The following YEATS2 variants were observed in gnomAD, a reference collection of about 807,000 sequenced individuals.
YEATS2 encodes the protein YEATS domain containing 2.
In YEATS2, 77 loss-of-function variants were observed where a neutral mutation model predicts 163.2. That is an observed-to-expected ratio of 0.47 (90% confidence interval 0.39 to 0.57). The LOEUF (loss-of-function observed/expected upper bound fraction) is 0.57. Among genes scored for constraint, YEATS2 ranks in the 20% least tolerant of loss-of-function variants. The pLI, the probability that YEATS2 is intolerant of heterozygous loss-of-function variation, is 0.00. For missense variants in YEATS2, 1,549 were observed against 1,729.8 expected (o/e 0.90, Z 1.85); for synonymous variants, 631 against 645.1 (o/e 0.98, Z 0.33).
At chr3:183,759,117 G>T (rs189844223) in intron 13 of YEATS2, 152 bp downstream of exon 13, 12 of 569,016 alleles carry the variant, frequency 2.1e-5, no homozygotes, top group Admixed American at 1.2e-4. Context: ...ACCTGCCAGG[G>T]TACTGCGGTT....
In YEATS2 at chr3:183,808,081, G is replaced by T. The variant is rs374475831; in HGVS notation, c.4063G>T (p.Val1355Leu). The T allele has an allele frequency of 6.4e-6, 10 of 1,557,614 alleles. No individual in the cohort carries two copies. In the African/African-American group the frequency reaches 1.1e-4, roughly 17 times the overall value. ...ACTCCACAGGAACGTGTATGCGTCC[G>T]TGGTGGAGGACATGATCCTGAAGGT... The part of the protein sequence containing the change: ...VALHRNVYAS[V>L]VEDMILKATE... The change falls in exon 29 of 31, where the codon GTG (valine) becomes TTG (leucine). Residue 1355 changes from valine (V) to leucine (L), a missense_variant. Val to Leu is a conservative substitution (Grantham distance 32, BLOSUM62 1). Coordinates refer to ENST00000305135, the MANE Select transcript of YEATS2 (RefSeq NM_018023.5).
chr3:183,722,279 T>A, intron 5 of YEATS2, 143 bp downstream of exon 5: 39 of 25,598 alleles, frequency 1.5e-3, no homozygotes, highest in Non-Finnish European at 2.3e-3. Flanking sequence ...AAACCAAATC[T>A]TTTTTTTTTT....
Position 183,796,670 on chromosome 3 carries a change from T to G in YEATS2, c.3098-1253T>G, listed in dbSNP as rs960289836. ...AATTTTGGAAATACGTTTTAGGCAG[T>G]CAGGAGCCAGCATAGGTTTTTAAGT... On this transcript the variant is annotated intron_variant, in intron 21 of 30. Coordinates refer to ENST00000305135, the MANE Select transcript of YEATS2 (RefSeq NM_018023.5). Among the ~76,000 whole-genome samples the G allele has an allele frequency of 2.0e-5, 3 of 151,570 alleles. No individual in the cohort carries two copies. In the South Asian group the frequency reaches 6.3e-4, roughly 32 times the overall value.
chr3:183,806,584 G>T, intron 27 of YEATS2: 1 of 466,010 alleles, frequency 2.1e-6, no homozygotes, highest in South Asian at 2.0e-5. Flanking sequence ...TCAGAGGGAG[G>T]GGGATGACCT....
chr3:183,797,509 C>T (rs1382058018), intron 21 of YEATS2, among the ~76,000 whole-genome samples: 1 of 151,394 alleles, frequency 6.6e-6, no homozygotes, highest in East Asian at 2.0e-4. Context: ...TGTACCACTG[C>T]GCTTTTCAAC....
At position 183,810,653 on chromosome 3, in the gene YEATS2, T is replaced by A. The variant is rs924887071; in HGVS notation, c.*70T>A. The A allele has an allele frequency of 2.0e-5, 29 of 1,462,670 alleles. No individual in the cohort carries two copies. In the South Asian group the frequency reaches 2.8e-4, roughly 14 times the overall value. 90.6% of individuals were successfully genotyped at this position (1,462,670 alleles called of 1,614,324 possible). ...AAGCTGTAACTGAGGACCCTGCTGCTCGGGAAGGAGGTGGTTTCCAGTGTG... is the reference window on the plus strand; with the variant it reads ...AAGCTGTAACTGAGGACCCTGCTGCACGGGAAGGAGGTGGTTTCCAGTGTG... On this transcript the variant is annotated 3_prime_UTR_variant, in exon 31 of 31. Coordinates refer to ENST00000305135, the MANE Select transcript of YEATS2 (RefSeq NM_018023.5).
At chr3:183,701,350 G>C (rs528494878) in intron 1 of YEATS2, among the ~76,000 whole-genome samples, 2 of 151,698 alleles carry the variant, frequency 1.3e-5, no homozygotes, top group African/African-American at 4.8e-5. Flanking sequence ...GCCTCCCAGT[G>C]CTGGGATTAC....
At chr3:183,716,910 C>CT (rs752181366) in intron 2 of YEATS2, among the ~76,000 whole-genome samples, 5,391 of 142,650 alleles carry the variant, frequency 0.038, 159 homozygotes, top group Middle Eastern at 0.07. Flanking sequence ...TTGTTTGTGT[C>CT]TTTTTTTTTT....
At chr3:183,776,214 CAG>C (rs1722983365) in intron 18 of YEATS2, 91 bp downstream of exon 18, 1 of 1,301,086 alleles carries the variant, frequency 7.7e-7, no homozygotes, top group African/African-American at 1.5e-5. Context: ...GCTCTGGGAT[CAG>C]GGTTCAATAC....
chr3:183,718,387 G>A, intron 3 of YEATS2, 113 bp from the exon 4 acceptor site: 2 of 742,990 alleles, frequency 2.7e-6, no homozygotes, highest in Non-Finnish European at 4.2e-6. Flanking sequence ...TTGATTGTTA[G>A]AGAAGTTGAG....
intron 15 of YEATS2, among the ~76,000 whole-genome samples, chr3:183,769,829 G>A (rs1722273177): frequency 6.6e-6 from 1 of 151,750 alleles, no homozygotes; most frequent in Non-Finnish European, 1.5e-5. Context: ...AGTAGCTGGG[G>A]TGCCCACCAC....
rs1457721499 is a variant in YEATS2 at position 183,804,046 on chromosome 3, A to G, written c.3642A>G (p.Arg1214=). ...AAGAAATCCTGGAGAAGAATCCGAG[A>G]TTTCACCACCTGACTCCCCTCAAAA... ...VLQEILEKNP[R]FHHLTPLKTK... The change falls in exon 27 of 31, where the codon AGA becomes AGG. Residue 1214 remains arginine, a synonymous_variant. Coordinates refer to ENST00000305135, the MANE Select transcript of YEATS2 (RefSeq NM_018023.5). 1.2e-6 allele frequency: 2 copies of G among 1,613,956 alleles called. No individual in the cohort carries two copies. The highest frequency in any genetic ancestry group is 1.7e-6 in the Non-Finnish European group (2 of 1,180,026).
At chr3:183,723,875 G>A (rs1335414013) in intron 5 of YEATS2, among the ~76,000 whole-genome samples, 2 of 152,124 alleles carry the variant, frequency 1.3e-5, no homozygotes, top group African/African-American at 4.8e-5. Context: ...TCGTGCCATT[G>A]CATTCCAGCC....
intron 6 of YEATS2, among the ~76,000 whole-genome samples, chr3:183,725,041 CTTTTT>C (rs62826962): frequency 1.1e-5 from 1 of 87,504 alleles, no homozygotes; most frequent in African/African-American, 4.4e-5. Flanking sequence ...CCGTGCCGGC[CTTTTT>C]TTTTTTTTTT....
At chr3:183,802,137 G>C (rs1489405169) in intron 25 of YEATS2, 1 of 152,328 alleles carries the variant, frequency 6.6e-6, no homozygotes, top group East Asian at 1.9e-4. Flanking sequence ...CCCATCATTA[G>C]CTAGATTGAG....
intron 23 of YEATS2, among the ~76,000 whole-genome samples, chr3:183,799,508 G>C (rs1725460235): frequency 6.6e-6 from 1 of 152,198 alleles, no homozygotes; most frequent in South Asian, 2.1e-4. Flanking sequence ...TAGCCAGTTA[G>C]AGGGACTCAT....
At chr3:183,771,543 CTTT>C (rs1158586747) in intron 15 of YEATS2, among the ~76,000 whole-genome samples, 1 of 26,674 alleles carries the variant, frequency 3.7e-5, no homozygotes, top group East Asian at 1.6e-3. Context: ...TTATTCTTGC[CTTT>C]TTTTTTTTTT....
chr3:183,781,626 T>G lies in YEATS2; in HGVS notation c.2736+3926T>G, dbSNP rs116829180. 1.6e-3 allele frequency among the ~76,000 whole-genome samples: 240 copies of G among 152,290 alleles called. 1 individual carries two copies. The highest frequency in any genetic ancestry group is 5.7e-3 in the African/African-American group (235 of 41,554). On this transcript the variant is annotated intron_variant, in intron 19 of 30. Coordinates refer to ENST00000305135, the MANE Select transcript of YEATS2 (RefSeq NM_018023.5). ...CAACCCAAACCAGGCTCAAGAAAAT[T>G]CAAAGCTTTAAATGCTTTTTCCTTT...
chr3:183,806,180 A>G (rs1294918288), intron 27 of YEATS2: 3 of 404,664 alleles, frequency 7.4e-6, no homozygotes, highest in South Asian at 5.4e-5. Context: ...ATCCTAAGTC[A>G]AAAATGATAT....
Sources: allele counts gnomAD v4.1 joint callset (sites outside exome capture counted in the v4.1 genomes callset), GRCh38; gene constraint gnomAD v4.1.1; transcripts MANE v1.5; gene names NCBI Gene and HGNC (gene_info 2026-07-23, HGNC 2026-07-21).